TMEM117: variants seen among roughly 807,000 people sequenced by gnomAD.
TMEM117 encodes the protein transmembrane protein 117.
A neutral mutation model predicts 52.4 loss-of-function variants in TMEM117; 27 were observed. That is an observed-to-expected ratio of 0.51 (90% CI 0.38 to 0.71). The LOEUF is 0.71. Among genes scored for constraint, TMEM117 ranks in the 30% least tolerant of loss-of-function variants. The pLI is 0.00. For missense variants in TMEM117, 556 were observed against 630.5 expected (o/e 0.88, Z 1.26); for synonymous variants, 215 against 206.3 (o/e 1.04, Z -0.36).
At chr12:43,991,670 T>G (rs1945943413) in intron 3 of TMEM117, among the ~76,000 whole-genome samples, 1 of 152,074 alleles carries the variant, frequency 6.6e-6, no homozygotes, top group Non-Finnish European at 1.5e-5. Flanking sequence ...TAATATATGC[T>G]CAGTAAATAT....
the TMEM117 span, chr12:43,799,610 TA>T: frequency 1.8e-6 from 1 of 555,044 alleles, no homozygotes; most frequent in Non-Finnish European, 3.0e-6. Flanking sequence ...TAAATGAAAA[TA>T]AATAGCATTA....
At chr12:44,346,566 T>G (rs1176302089) in intron 6 of TMEM117, among the ~76,000 whole-genome samples, 2 of 152,112 alleles carry the variant, frequency 1.3e-5, no homozygotes, top group Non-Finnish European at 2.9e-5. Context: ...CTATTTGTCT[T>G]TCAGACTCTT....
At chr12:43,812,960 C>T in the TMEM117 span, among the ~76,000 whole-genome samples, 1 of 151,130 alleles carries the variant, frequency 6.6e-6, no homozygotes, top group Non-Finnish European at 1.5e-5. Flanking sequence ...GAGCTACGAT[C>T]ATGTGCACTA....
At chr12:44,327,485 GAC>G (rs1951211766) in intron 6 of TMEM117, among the ~76,000 whole-genome samples, 1 of 152,102 alleles carries the variant, frequency 6.6e-6, no homozygotes, top group Non-Finnish European at 1.5e-5. Context: ...TTAACTAAAA[GAC>G]ACACTCATTT....
intron 4 of TMEM117, among the ~76,000 whole-genome samples, chr12:44,160,818 C>T (rs928976875): frequency 2.3e-4 from 35 of 152,026 alleles, no homozygotes; most frequent in African/African-American, 8.5e-4. Context: ...AAGAAATTAC[C>T]CTATCAATGC....
intron 3 of TMEM117, among the ~76,000 whole-genome samples, chr12:44,102,004 T>C (rs921104895): frequency 2.0e-4 from 31 of 152,126 alleles, no homozygotes; most frequent in Admixed American, 5.9e-4. Context: ...TGTTTTTAGA[T>C]CACTTTGAGG....
chr12:44,099,586 A>G (rs1342132155), intron 3 of TMEM117, among the ~76,000 whole-genome samples: 3 of 152,096 alleles, frequency 2.0e-5, no homozygotes, highest in Non-Finnish European at 4.4e-5. Flanking sequence ...GATAAAATAT[A>G]AAGAACCTGA....
intron 3 of TMEM117, among the ~76,000 whole-genome samples, chr12:44,133,220 G>C (rs73288073): frequency 0.031 from 4,646 of 152,238 alleles, 159 homozygotes; most frequent in African/African-American, 0.083. Context: ...CCTTGGTCTT[G>C]GTGCACATGT....
intron 3 of TMEM117, among the ~76,000 whole-genome samples, chr12:44,115,788 G>C (rs1316341713): frequency 6.6e-6 from 1 of 152,152 alleles, no homozygotes; most frequent in Admixed American, 6.5e-5. Flanking sequence ...GCCTGGGCTG[G>C]TGTCTCTGCA....
upstream of TMEM117, among the ~76,000 whole-genome samples, chr12:43,833,263 C>T (rs182497606): frequency 7.2e-5 from 11 of 152,240 alleles, no homozygotes; most frequent in Admixed American, 3.9e-4. Flanking sequence ...CCAGACATTT[C>T]GGTTCTGATG....
At chr12:44,023,497 A>G (rs1043948688) in intron 3 of TMEM117, among the ~76,000 whole-genome samples, 3 of 151,912 alleles carry the variant, frequency 2.0e-5, no homozygotes, top group Non-Finnish European at 2.9e-5. Context: ...TTGTTTCCTG[A>G]CTTTTTAATG....
At chr12:43,821,880 C>T in the TMEM117 span, among the ~76,000 whole-genome samples, 1 of 152,168 alleles carries the variant, frequency 6.6e-6, no homozygotes, top group Non-Finnish European at 1.5e-5. Flanking sequence ...GTTTTTAAAG[C>T]ATTTTTAAAA....
At chr12:44,009,213 G>T in intron 3 of TMEM117, 1 of 271,730 alleles carries the variant, frequency 3.7e-6, no homozygotes, top group Non-Finnish European at 7.2e-6. Flanking sequence ...GTTGTTTTCT[G>T]GACAATTTCA....
At chr12:44,267,733 A>G (rs1371209349) in intron 5 of TMEM117, among the ~76,000 whole-genome samples, 1 of 152,132 alleles carries the variant, frequency 6.6e-6, no homozygotes, top group Non-Finnish European at 1.5e-5. Context: ...ACAATTTTAG[A>G]TTCATCTTAT....
intron 5 of TMEM117, among the ~76,000 whole-genome samples, chr12:44,254,624 A>AG (rs1343556801): frequency 2.0e-5 from 3 of 151,880 alleles, no homozygotes; most frequent in Non-Finnish European, 4.4e-5. Context: ...TTCTGCTTCT[A>AG]GGGGCGAGTC....
Position 44,059,136 on chromosome 12 carries a change from A to G in TMEM117, c.411-84389A>G, listed in dbSNP as rs184504925. Among the ~76,000 whole-genome samples, 41 of 152,314 alleles carry G rather than the reference A, an allele frequency of 2.7e-4. 1 individual carries two copies. The highest frequency in any genetic ancestry group is 2.6e-3 in the Admixed American group (40 of 15,286). ...GCTGATCTGACAGGAAGTGGAGCTC[A>G]GGTGGTAATGCTCGTTGGCATGCAG... On this transcript the variant is annotated intron_variant, in intron 3 of 7. Transcript: ENST00000266534.
At chr12:43,943,784 A>G (rs540164379) in intron 2 of TMEM117, among the ~76,000 whole-genome samples, 1 of 152,336 alleles carries the variant, frequency 6.6e-6, no homozygotes, top group Non-Finnish European at 1.5e-5. Context: ...TGGTTTTATC[A>G]TCTGGCCAGT....
chr12:44,159,955 A>C (rs1452683988), intron 4 of TMEM117, among the ~76,000 whole-genome samples: 2 of 152,168 alleles, frequency 1.3e-5, no homozygotes, highest in Admixed American at 1.3e-4. Context: ...GATAATGCTC[A>C]TCTCCACCCA....
intron 3 of TMEM117, among the ~76,000 whole-genome samples, chr12:44,103,941 C>T (rs1357883197): frequency 4.0e-5 from 6 of 151,830 alleles, no homozygotes; most frequent in Non-Finnish European, 8.8e-5. Flanking sequence ...TTGAAGAGAA[C>T]TATGTAATGT....
Sources: allele counts gnomAD v4.1 joint callset (sites outside exome capture counted in the v4.1 genomes callset), GRCh38; gene constraint gnomAD v4.1.1; transcripts MANE v1.5; gene names NCBI Gene and HGNC (gene_info 2026-07-23, HGNC 2026-07-21).